The following CDH2 variants were observed in gnomAD, a reference collection of about 807,000 sequenced individuals.
CDH2 encodes cadherin-2.
CDH2 carries 17 observed loss-of-function variants against 92.0 expected under a neutral mutation model. That is an observed-to-expected ratio of 0.18 (90% confidence interval 0.13 to 0.28). CDH2 has a LOEUF of 0.28. Among genes scored for constraint, CDH2 ranks in the 10% least tolerant of loss-of-function variants. CDH2 has a pLI of 1.00. For synonymous variants in CDH2, 419 were observed against 415.9 expected (o/e 1.01, Z -0.09); for missense variants, 862 against 1,133.1 (o/e 0.76, Z 3.44).
intron 14 of CDH2, among the ~76,000 whole-genome samples, chr18:27,969,002 A>G (rs911066733): frequency 2.0e-5 from 3 of 152,208 alleles, no homozygotes; most frequent in Non-Finnish European, 4.4e-5. Context: ...ATTACCAAAC[A>G]ACTGCTGACA....
intron 11 of CDH2, among the ~76,000 whole-genome samples, chr18:27,986,780 T>C (rs2012248358): frequency 6.6e-6 from 1 of 152,170 alleles, no homozygotes; most frequent in Non-Finnish European, 1.5e-5. Context: ...AAGGGTATAG[T>C]GGCTGTTACA....
At chr18:28,065,173 T>G (rs2014482654) in intron 2 of CDH2, among the ~76,000 whole-genome samples, 1 of 152,116 alleles carries the variant, frequency 6.6e-6, no homozygotes, top group South Asian at 2.1e-4. Flanking sequence ...AAAGGGCAAC[T>G]CTTGGGAACT....
chr18:28,058,580 A>G (rs988890108), intron 2 of CDH2, among the ~76,000 whole-genome samples: 1 of 152,204 alleles, frequency 6.6e-6, no homozygotes, highest in Admixed American at 6.5e-5. Context: ...CTTCATCAAA[A>G]TGTGACTTTT....
At chr18:27,963,947 C>G (rs1317863765) in intron 14 of CDH2, among the ~76,000 whole-genome samples, 3 of 133,938 alleles carry the variant, frequency 2.2e-5, no homozygotes, top group Non-Finnish European at 5.3e-5. Context: ...TTCAAGCCAC[C>G]CTTCTTCCTT....
intron 2 of CDH2, among the ~76,000 whole-genome samples, chr18:28,025,174 A>G (rs979728868): frequency 6.6e-6 from 1 of 152,124 alleles, no homozygotes; most frequent in African/African-American, 2.4e-5. Flanking sequence ...AGTGTTATGC[A>G]GGAGACCTCT....
intron 1 of CDH2, among the ~76,000 whole-genome samples, chr18:28,148,860 C>T (rs2016078460): frequency 6.6e-6 from 1 of 152,142 alleles, no homozygotes; most frequent in Non-Finnish European, 1.5e-5. Flanking sequence ...TTTGCAAATA[C>T]TAATGTTGCA....
chr18:27,983,266 T>C (rs1343887939), intron 13 of CDH2, among the ~76,000 whole-genome samples, 183 bp from the exon 14 acceptor site: 1 of 152,170 alleles, frequency 6.6e-6, no homozygotes, highest in Middle Eastern at 3.2e-3. Flanking sequence ...GCTAAAGCAC[T>C]GGGTTTAGAG....
At position 27,955,761 on chromosome 18, in the gene CDH2, G is replaced by GTTTTTTTTTTT. The variant is rs5823568; in HGVS notation, c.2515-3413_2515-3403dup. 2.4e-4 allele frequency among the ~76,000 whole-genome samples: 27 copies of GTTTTTTTTTTT among 111,698 alleles called. 2 individuals are homozygous for GTTTTTTTTTTT. Among genetic ancestry groups the GTTTTTTTTTTT allele is most frequent in the African/African-American group, 5.0e-4 (14 of 28,104 alleles). The allele number at this position is 111,698 out of a possible 152,430, so 73.3% of individuals were successfully genotyped here. A position where few individuals can be genotyped will look rare whatever the true frequency, so the allele number is the denominator to read the frequency against. ...ACAAATCTCTGTTTTCTTTATTTCT[G>GTTTTTTTTTTT]TTTTTTTTTTTTTTTTTTTAAAGAG... is the stretch of plus-strand genomic sequence containing the variant. On this transcript the variant is annotated intron_variant, in intron 15 of 15. Transcript: ENST00000269141.
At chr18:28,114,258 C>A (rs1213794898) in intron 2 of CDH2, among the ~76,000 whole-genome samples, 1 of 152,212 alleles carries the variant, frequency 6.6e-6, no homozygotes, top group Non-Finnish European at 1.5e-5. Flanking sequence ...ATGCTAATTA[C>A]TTTGATCTGA....
At chr18:27,999,145 G>A (rs190423450) in intron 7 of CDH2, among the ~76,000 whole-genome samples, 1 of 152,312 alleles carries the variant, frequency 6.6e-6, no homozygotes, top group Admixed American at 6.5e-5. Flanking sequence ...TTAGGCAGAG[G>A]AAACGGGAAC....
chr18:27,992,517 A>T (rs962021590), intron 9 of CDH2, 138 bp downstream of exon 9: 1 of 632,902 alleles, frequency 1.6e-6, no homozygotes, highest in Non-Finnish European at 2.6e-6. Flanking sequence ...TAACCTCCCA[A>T]ATATATATCA....
At chr18:28,049,343 T>C (rs1254202193) in intron 2 of CDH2, among the ~76,000 whole-genome samples, 1 of 152,218 alleles carries the variant, frequency 6.6e-6, no homozygotes, top group East Asian at 1.9e-4. Flanking sequence ...GCGATATGGC[T>C]ATTTCCAATT....
At chr18:27,993,408 C>A in intron 8 of CDH2, 92 bp downstream of exon 8, 1 of 1,269,636 alleles carries the variant, frequency 7.9e-7, no homozygotes, top group South Asian at 1.5e-5. Context: ...GAAGCAAGTT[C>A]CACCTCTATT....
chr18:28,033,135 G>T (rs17468352), intron 2 of CDH2, among the ~76,000 whole-genome samples: 18 of 152,136 alleles, frequency 1.2e-4, no homozygotes, highest in Non-Finnish European at 1.9e-4. Context: ...GGCAGCTTCG[G>T]AATAAACAGG....
chr18:27,987,911 G>C (rs1300929670), intron 11 of CDH2, among the ~76,000 whole-genome samples: 4 of 152,126 alleles, frequency 2.6e-5, no homozygotes, highest in African/African-American at 9.7e-5. Context: ...CGTACTGAGA[G>C]CTAACGAAGC....
chr18:28,128,248 G>GC (rs1238064619), intron 2 of CDH2, among the ~76,000 whole-genome samples: 2 of 152,144 alleles, frequency 1.3e-5, no homozygotes, highest in Non-Finnish European at 2.9e-5. Context: ...TGAAAAACTT[G>GC]TTCAATTTGG....
chr18:28,145,400 A>G lies in CDH2; in HGVS notation c.172+2273T>C, dbSNP rs142735048. Among the ~76,000 whole-genome samples, 56 of 152,252 alleles carry G rather than the reference A, an allele frequency of 3.7e-4. 1 individual carries two copies. The East Asian group carries it at 0.01, about 28-fold the overall frequency. ...CACTATAGGCGACAAAATCATAGCA[A>G]AAGTCATCACTCTGGTTGGCCTCGT... On this transcript the variant is annotated intron_variant, in intron 2 of 15. Transcript: ENST00000269141.
intron 14 of CDH2, among the ~76,000 whole-genome samples, chr18:27,976,265 C>T (rs2011826507): frequency 1.3e-5 from 2 of 152,264 alleles, no homozygotes; most frequent in African/African-American, 2.4e-5. Flanking sequence ...AACCAGAACT[C>T]ATGGTCTGAA....
intron 1 of CDH2, among the ~76,000 whole-genome samples, chr18:28,148,059 T>C (rs1010241070): frequency 2.0e-5 from 3 of 152,190 alleles, no homozygotes; most frequent in Non-Finnish European, 4.4e-5. Flanking sequence ...ATTAAAATGC[T>C]CATTGTGACT....
Sources: gnomAD v4.1 joint callset for allele counts (sites outside exome capture counted in the v4.1 genomes callset) on GRCh38, gnomAD v4.1.1 for gene constraint, MANE v1.5 for transcripts, NCBI Gene and HGNC (gene_info 2026-07-23, HGNC 2026-07-21) for gene names.